AGO3: variants seen among roughly 807,000 people sequenced by gnomAD.
AGO3 encodes protein argonaute-3.
Under a neutral mutation model 105.5 loss-of-function variants are expected in AGO3, and 16 were observed. The ratio of observed to expected loss-of-function variants is 0.15; its 90% CI spans 0.10 to 0.23. AGO3 has a LOEUF of 0.23. Among genes scored for constraint, AGO3 ranks in the 10% least tolerant of loss-of-function variants. AGO3 has a pLI of 1.00. For missense variants in AGO3, 534 were observed against 1,088.0 expected (o/e 0.49, Z 7.16); for synonymous variants, 340 against 367.3 (o/e 0.93, Z 0.85).
intron 2 of AGO3, among the ~76,000 whole-genome samples, chr1:35,960,952 AT>A (rs942382362): frequency 3.1e-5 from 4 of 129,924 alleles, no homozygotes; most frequent in Admixed American, 7.6e-5. Flanking sequence ...TTTTATTTTT[AT>A]TTTTTTTTGA....
intron 3 of AGO3, among the ~76,000 whole-genome samples, chr1:35,969,941 G>A (rs1223705050): frequency 3.3e-5 from 5 of 152,164 alleles, no homozygotes; most frequent in African/African-American, 9.7e-5. Context: ...GCCTGTATAA[G>A]GCAGCTTCAT....
intron 5 of AGO3, among the ~76,000 whole-genome samples, chr1:35,985,254 C>G (rs902389901): frequency 5.3e-5 from 8 of 152,092 alleles, no homozygotes; most frequent in African/African-American, 1.9e-4. Flanking sequence ...TGTACTCCAG[C>G]CTGGGCAACA....
chr1:36,039,694 G>T, intron 14 of AGO3, 96 bp from the exon 15 acceptor site: 2 of 913,474 alleles, frequency 2.2e-6, no homozygotes, highest in East Asian at 3.2e-5. Flanking sequence ...TGATGAACAG[G>T]TTACAGTAAA....
intron 5 of AGO3, chr1:35,982,700 A>G (rs1312753209): frequency 5.6e-6 from 4 of 716,348 alleles, no homozygotes; most frequent in East Asian, 5.4e-5. Flanking sequence ...AGGCTTTTCA[A>G]TCACTAGTTC....
intron 5 of AGO3, among the ~76,000 whole-genome samples, chr1:36,001,521 T>C (rs1238689949): frequency 6.6e-6 from 1 of 152,162 alleles, no homozygotes; most frequent in Non-Finnish European, 1.5e-5. Flanking sequence ...TTGAGTTCTT[T>C]TTTATTAAGA....
At chr1:35,947,390 CAA>C (rs1646386507) in intron 2 of AGO3, among the ~76,000 whole-genome samples, 2 of 152,212 alleles carry the variant, frequency 1.3e-5, no homozygotes, top group African/African-American at 2.4e-5. Flanking sequence ...CAACACAAGT[CAA>C]AAGAGTAGTG....
At chr1:36,041,971 T>C (rs1236607677) in intron 16 of AGO3, among the ~76,000 whole-genome samples, 1 of 152,070 alleles carries the variant, frequency 6.6e-6, no homozygotes, top group Non-Finnish European at 1.5e-5. Flanking sequence ...AGCTGCAGAG[T>C]GGTGGTGATA....
intron 5 of AGO3, among the ~76,000 whole-genome samples, chr1:35,995,209 A>AATAT (rs748081363): frequency 0.038 from 4,336 of 114,500 alleles, 94 homozygotes; most frequent in African/African-American, 0.069. Context: ...TAAAAAAAAA[A>AATAT]ATATATATAT....
intron 2 of AGO3, among the ~76,000 whole-genome samples, chr1:35,955,152 A>G (rs866609805): frequency 7.2e-5 from 11 of 152,354 alleles, no homozygotes; most frequent in Middle Eastern, 3.4e-3. Context: ...TAGAGAGCCA[A>G]TAGAACCTTT....
chr1:36,028,126 T>C (rs1226795627), intron 12 of AGO3, among the ~76,000 whole-genome samples: 2 of 152,144 alleles, frequency 1.3e-5, no homozygotes. Context: ...ACTGCAGCCT[T>C]GACCTCTTGG....
At chr1:35,970,317 G>A (rs556463535) in intron 3 of AGO3, among the ~76,000 whole-genome samples, 2 of 152,158 alleles carry the variant, frequency 1.3e-5, no homozygotes, top group African/African-American at 2.4e-5. Flanking sequence ...ATAGGAAATC[G>A]TGAGTTCACA....
At chr1:36,006,181 G>GT (rs1017169167) in intron 6 of AGO3, among the ~76,000 whole-genome samples, 28 of 151,434 alleles carry the variant, frequency 1.8e-4, no homozygotes, top group African/African-American at 6.1e-4. Context: ...GAGAATAAGA[G>GT]TTTTGTGTTC....
chr1:36,032,797 G>A (rs1264256010), intron 12 of AGO3, among the ~76,000 whole-genome samples: 3 of 151,580 alleles, frequency 2.0e-5, no homozygotes, highest in Non-Finnish European at 4.4e-5. Flanking sequence ...CAAAACCAGC[G>A]TGGCCAACAT....
Position 36,020,638 on chromosome 1 carries a change from C to T in AGO3, c.1407-6476C>T, listed in dbSNP as rs548532287. On this transcript the variant is annotated intron_variant, in intron 11 of 18. Coordinates refer to ENST00000373191, the MANE Select transcript of AGO3 (RefSeq NM_024852.4). Reference sequence around the variant, plus strand: ...TTATTTATTTATTTATTTATTGAGACGGAATCTCGCTCTGTCATCCAAGCT... The same window carrying T: ...TTATTTATTTATTTATTTATTGAGATGGAATCTCGCTCTGTCATCCAAGCT... Among the ~76,000 whole-genome samples, 15 of 151,932 alleles carry T rather than the reference C, an allele frequency of 9.9e-5. No individual in the cohort carries two copies. In the South Asian group the frequency reaches 1.2e-3, roughly 13 times the overall value.
Position 36,057,646 on chromosome 1 carries a change from T to G in AGO3, c.*1901T>G, listed in dbSNP as rs552311716. On this transcript the variant is annotated 3_prime_UTR_variant, in exon 19 of 19. Coordinates refer to ENST00000373191, the MANE Select transcript of AGO3 (RefSeq NM_024852.4). ...AGCCTTAATTTCAGAAGGAAAGTTT[T>G]GTAATTTTCAGTTTTAAAGCATATC... The G allele has an allele frequency of 3.3e-5, 5 of 152,288 alleles. No individual in the cohort carries two copies. In the East Asian group the frequency reaches 9.6e-4, roughly 29 times the overall value. 9.4% of individuals were successfully genotyped at this position (152,288 alleles called of 1,614,324 possible).
At chr1:36,037,445 C>T (rs1219407094) in intron 14 of AGO3, among the ~76,000 whole-genome samples, 6 of 152,020 alleles carry the variant, frequency 3.9e-5, no homozygotes, top group African/African-American at 9.7e-5. Flanking sequence ...CACTTGAACT[C>T]GGGAGGCGGA....
At chr1:35,958,318 T>C (rs1003757476) in intron 2 of AGO3, among the ~76,000 whole-genome samples, 9 of 147,706 alleles carry the variant, frequency 6.1e-5, no homozygotes, top group African/African-American at 1.8e-4. Flanking sequence ...GAGGTGGAGG[T>C]TGCAGTGAGC....
intron 5 of AGO3, among the ~76,000 whole-genome samples, chr1:35,995,210 ATATAT>A (rs1160774044): frequency 0.082 from 7,682 of 93,728 alleles, 292 homozygotes; most frequent in South Asian, 0.14. Context: ...AAAAAAAAAA[ATATAT>A]ATATATATAT....
At position 36,067,511 on chromosome 1, in the gene AGO3, C is replaced by G. The variant is rs922544122; in HGVS notation, c.*11766C>G. 6.6e-6 allele frequency: 1 copy of G among 152,210 alleles called. No homozygotes were observed. The highest frequency in any genetic ancestry group is 1.5e-5 in the Non-Finnish European group (1 of 68,054). The allele number at this position is 152,210 out of a possible 1,614,324, so 9.4% of individuals were successfully genotyped here. ...GATCACAAGGTCAGGAGTTTGAGAC[C>G]AGCGTGGCCAATATGGTGAAACCCT... is the stretch of plus-strand genomic sequence containing the variant. On this transcript the variant is annotated 3_prime_UTR_variant, in exon 19 of 19. Transcript: ENST00000373191.
Sources: gnomAD v4.1 joint callset for allele counts (sites outside exome capture counted in the v4.1 genomes callset) on GRCh38, gnomAD v4.1.1 for gene constraint, MANE v1.5 for transcripts, NCBI Gene and HGNC (gene_info 2026-07-23, HGNC 2026-07-21) for gene names.